The following RNF150 variants were observed in gnomAD, a reference collection of about 807,000 sequenced individuals.
RNF150 encodes ring finger protein 150.
RNF150 carries 24 observed loss-of-function variants against 39.3 expected under a neutral mutation model. That is an observed-to-expected ratio of 0.61 (90% CI 0.44 to 0.86). The LOEUF (loss-of-function observed/expected upper bound fraction) is 0.86, where lower values mean the gene tolerates loss of function less well. Among genes scored for constraint, RNF150 ranks in the 40% least tolerant of loss-of-function variants. The pLI is 0.00. For synonymous variants in RNF150, 255 were observed against 227.3 expected (o/e 1.12, Z -1.10); for missense variants, 502 against 587.8 (o/e 0.85, Z 1.51).
At chr4:141,088,086 T>G (rs545831907) in intron 1 of RNF150, among the ~76,000 whole-genome samples, 1 of 152,296 alleles carries the variant, frequency 6.6e-6, no homozygotes, top group Admixed American at 6.5e-5. Context: ...TTAATTAAAC[T>G]TTCTGAGCCT....
intron 1 of RNF150, among the ~76,000 whole-genome samples, chr4:141,041,106 T>G (rs6537028): frequency 6.6e-6 from 1 of 151,824 alleles, no homozygotes; most frequent in Non-Finnish European, 1.5e-5. Flanking sequence ...AAATTAAGTC[T>G]CTACTAGGTA....
intron 1 of RNF150, among the ~76,000 whole-genome samples, chr4:141,010,440 C>A (rs1403817660): frequency 3.9e-5 from 6 of 152,166 alleles, no homozygotes; most frequent in Non-Finnish European, 8.8e-5. Context: ...GGGCCTATAT[C>A]TCTCAGGCCA....
At chr4:141,128,708 C>T (rs1250432945) in intron 1 of RNF150, among the ~76,000 whole-genome samples, 1 of 151,904 alleles carries the variant, frequency 6.6e-6, no homozygotes, top group East Asian at 1.9e-4. Flanking sequence ...ATCTCTGGTC[C>T]ATAGACTTAA....
intron 4 of RNF150, among the ~76,000 whole-genome samples, chr4:140,931,097 G>T (rs182770498): frequency 1.3e-5 from 2 of 151,950 alleles, no homozygotes; most frequent in Non-Finnish European, 2.9e-5. Flanking sequence ...GAGAAGGGGC[G>T]GGGAAAGGGA....
rs572438557 is a variant in RNF150 at position 141,085,556 on chromosome 4, A to G, written c.484+46769T>C. The stretch of plus-strand genomic sequence containing the variant: ...TGGTGCCAGACTGCCCCAGCCATCA[A>G]ATCATCCCAAGCTCTTGAGTATTCT... On this transcript the variant is annotated intron_variant, in intron 1 of 6. Coordinates refer to ENST00000515673, the MANE Select transcript of RNF150 (RefSeq NM_020724.2). Among the ~76,000 whole-genome samples the G allele has an allele frequency of 1.1e-3, 172 of 152,284 alleles. 2 individuals carry two copies. The highest frequency in any genetic ancestry group is 3.6e-3 in the African/African-American group (151 of 41,570).
rs61035516 is a variant in RNF150, at chr4:140,952,091, C to T, written c.736-2719G>A. On this transcript the variant is annotated intron_variant, in intron 2 of 6. Transcript: ENST00000515673. ...GTGGTGCGATCTCGGCTCACTGCAA[C>T]CTCTGCCTCCCAGGTTCAAGTGATT... Among the ~76,000 whole-genome samples the T allele has an allele frequency of 7.8e-3, 1,180 of 152,126 alleles. 16 individuals are homozygous for T. The highest frequency in any genetic ancestry group is 0.027 in the African/African-American group (1,132 of 41,480).
chr4:140,982,714 A>G (rs915028730), intron 1 of RNF150, among the ~76,000 whole-genome samples: 2 of 152,106 alleles, frequency 1.3e-5, no homozygotes, highest in African/African-American at 2.4e-5. Flanking sequence ...CAATGAACTG[A>G]TAAGAAATTA....
chr4:140,995,766 T>C (rs901630687), intron 1 of RNF150, among the ~76,000 whole-genome samples: 1 of 152,206 alleles, frequency 6.6e-6, no homozygotes, highest in Non-Finnish European at 1.5e-5. Context: ...CTTAATGTAA[T>C]GCTCTCCAGT....
chr4:140,903,629 T>C (rs1730270235), intron 6 of RNF150, among the ~76,000 whole-genome samples: 1 of 152,244 alleles, frequency 6.6e-6, no homozygotes, highest in Non-Finnish European at 1.5e-5. Context: ...GCCCGGCTTA[T>C]GCTGGTAACA....
At chr4:140,986,838 T>C (rs1734032224) in intron 1 of RNF150, among the ~76,000 whole-genome samples, 1 of 152,028 alleles carries the variant, frequency 6.6e-6, no homozygotes, top group Non-Finnish European at 1.5e-5. Flanking sequence ...AGTTATCTTT[T>C]TTCAGTGATG....
At chr4:140,983,951 G>A (rs1733941697) in intron 1 of RNF150, among the ~76,000 whole-genome samples, 1 of 151,806 alleles carries the variant, frequency 6.6e-6, no homozygotes, top group South Asian at 2.1e-4. Flanking sequence ...CATTGGCTAG[G>A]CTGGTCCTGA....
intron 1 of RNF150, among the ~76,000 whole-genome samples, chr4:140,990,562 C>T (rs1030407323): frequency 1.3e-5 from 2 of 152,196 alleles, no homozygotes; most frequent in Non-Finnish European, 2.9e-5. Flanking sequence ...GTTCAGCTCC[C>T]GCTAATAAGT....
chr4:141,005,438 C>G (rs1734828555), intron 1 of RNF150, among the ~76,000 whole-genome samples: 1 of 152,060 alleles, frequency 6.6e-6, no homozygotes, highest in Non-Finnish European at 1.5e-5. Flanking sequence ...AAGGAGCCTA[C>G]AGATGAGTCA....
chr4:140,881,604 G>C (rs1402505447), intron 6 of RNF150, among the ~76,000 whole-genome samples: 9 of 151,978 alleles, frequency 5.9e-5, no homozygotes, highest in Non-Finnish European at 4.4e-5. Flanking sequence ...GTTGGGCATG[G>C]GGGCTCATGC....
At chr4:141,090,571 C>T (rs922221215) in intron 1 of RNF150, among the ~76,000 whole-genome samples, 1 of 152,112 alleles carries the variant, frequency 6.6e-6, no homozygotes, top group African/African-American at 2.4e-5. Context: ...ACCACCAACT[C>T]AAAATAATAG....
Position 140,868,166 on chromosome 4 carries a change from T to C in RNF150, c.*95A>G. The C allele has an allele frequency of 2.4e-5, 18 of 745,130 alleles. No homozygotes were observed. In the South Asian group the frequency reaches 2.7e-4, roughly 11 times the overall value. 46.2% of individuals were successfully genotyped at this position (745,130 alleles called of 1,614,324 possible). A position where few individuals can be genotyped will look rare whatever the true frequency, so the allele number is the denominator to read the frequency against. Reference sequence around the variant, plus strand: ...GAGCGCCCTGGAGTTGCCAAGGTGATCTGGAGGTGTGTGTGTGCCTGGTCC... The same window carrying C: ...GAGCGCCCTGGAGTTGCCAAGGTGACCTGGAGGTGTGTGTGTGCCTGGTCC... On this transcript the variant is annotated 3_prime_UTR_variant, in exon 7 of 7. Coordinates refer to ENST00000515673, the MANE Select transcript of RNF150 (RefSeq NM_020724.2).
chr4:140,894,218 T>A (rs892487704), intron 6 of RNF150, among the ~76,000 whole-genome samples: 3 of 141,544 alleles, frequency 2.1e-5, no homozygotes, highest in Non-Finnish European at 4.8e-5. Context: ...GGCAATGTCA[T>A]CCTAGCTCAA....
chr4:140,965,516 C>T (rs927043513), intron 2 of RNF150, among the ~76,000 whole-genome samples: 8 of 151,936 alleles, frequency 5.3e-5, no homozygotes, highest in Admixed American at 1.3e-4. Context: ...CACTGAAGGA[C>T]GAATGGATAA....
chr4:140,960,913 G>A lies in RNF150; in HGVS notation c.735+6710C>T, dbSNP rs566364728. Among the ~76,000 whole-genome samples, 152 of 152,164 alleles carry A rather than the reference G, an allele frequency of 1.0e-3. 2 individuals are homozygous for A. Among genetic ancestry groups the A allele is most frequent in the Admixed American group, 5.2e-3 (79 of 15,260 alleles). On this transcript the variant is annotated intron_variant, in intron 2 of 6. Transcript: ENST00000515673. ...TAACAACCCTCTAATAATATGTCACGCATATTTTCTCATTCAACCCTCACA... is the reference window on the plus strand; with the variant it reads ...TAACAACCCTCTAATAATATGTCACACATATTTTCTCATTCAACCCTCACA...
Sources: allele counts gnomAD v4.1 joint callset (sites outside exome capture counted in the v4.1 genomes callset), GRCh38; gene constraint gnomAD v4.1.1; transcripts MANE v1.5; gene names NCBI Gene and HGNC (gene_info 2026-07-23, HGNC 2026-07-21).